Variants in RPL26 observed in about 807,000 individuals in gnomAD.
The protein encoded by RPL26 is large ribosomal subunit protein uL24.
A neutral mutation model predicts 16.2 loss-of-function variants in RPL26; 1 was observed. That is an observed-to-expected ratio of 0.06 (90% CI 0.02 to 0.29). The LOEUF is 0.29. RPL26 is among the 10% of genes least tolerant of loss of function. RPL26 has a pLI of 1.00. For missense variants in RPL26, 102 were observed against 184.3 expected (o/e 0.55, Z 2.58); for synonymous variants, 55 against 62.4 (o/e 0.88, Z 0.56).
intron 1 of RPL26, 190 bp downstream of exon 1, chr17:8,382,967 C>T (rs1274139498): frequency 1.0e-5 from 4 of 398,306 alleles, no homozygotes; most frequent in Non-Finnish European, 1.3e-5. Flanking sequence ...CCCAAATCCC[C>T]GGTCCCTCCA....
intron 3 of RPL26, 50 bp from the exon 4 acceptor site, chr17:8,377,742 A>T (rs1425811271): frequency 6.5e-7 from 1 of 1,539,530 alleles, no homozygotes. Flanking sequence ...TAATCACTAA[A>T]ACACAAGGGA....
intron 2 of RPL26, 38 bp downstream of exon 2, chr17:8,382,105 T>C (rs1200778895): frequency 5.7e-6 from 9 of 1,568,988 alleles, no homozygotes; most frequent in Non-Finnish European, 7.9e-6. Context: ...GTGCGTAAAA[T>C]ATCCATCAAG....
rs370502381 is a variant in RPL26, at chr17:8,379,838, C to T, written c.267G>A (p.Lys89=). Residue 89 remains lysine (K), a synonymous_variant, in exon 3 of 4, where the codon AAG becomes AAA. Transcript: ENST00000648839. ...VIYIERVQRE[K]ANGTTVHVGI... ...CTACGTGGACAGTTGTGCCATTAGC[C>T]TTTTCCCGCTGCACCCGTTCAATGT... The T allele has an allele frequency of 1.2e-5, 19 of 1,613,734 alleles. No individual in the cohort carries two copies. In the African/African-American group the frequency reaches 1.6e-4, roughly 14 times the overall value.
chr17:8,382,096 T>C, intron 2 of RPL26, 47 bp downstream of exon 2: 1 of 1,507,734 alleles, frequency 6.6e-7, no homozygotes, highest in Non-Finnish European at 9.2e-7. Flanking sequence ...CTAAGCTAAG[T>C]GCGTAAAATA....
At chr17:8,382,675 A>C in intron 1 of RPL26, 1 of 289,124 alleles carries the variant, frequency 3.5e-6, no homozygotes, top group Non-Finnish European at 6.4e-6. Flanking sequence ...AATTCTCTTA[A>C]CTATAACCTC....
At chr17:8,382,905 C>CG (rs1907492332) in intron 1 of RPL26, 1 of 396,846 alleles carries the variant, frequency 2.5e-6, no homozygotes, top group Non-Finnish European at 4.4e-6. Flanking sequence ...CGACACTACC[C>CG]AGACTCCAGT....
At position 8,379,814 on chromosome 17, in the gene RPL26, T is replaced by A; in HGVS notation, c.291A>T (p.Val97=). Residue 97 remains valine, a synonymous_variant, in exon 3 of 4, where the codon GTA becomes GTT. Transcript: ENST00000648839. The stretch of plus-strand genomic sequence containing the variant: ...CACCTACCTTGCTGGGGTGAATGCC[T>A]ACGTGGACAGTTGTGCCATTAGCCT... The part of the protein sequence containing the change: ...REKANGTTVH[V]GIHPSKVVIT... The A allele has an allele frequency of 6.2e-7, 1 of 1,613,238 alleles. No homozygotes were observed. Among genetic ancestry groups the A allele is most frequent in the Non-Finnish European group, 8.5e-7 (1 of 1,179,712 alleles).
rs755369380 is a variant in RPL26 at position 8,382,215 on chromosome 17, G to A, written c.96C>T (p.Ser32=). Reference sequence around the variant, plus strand: ...TCTGTCTCAGCTCTTTGGAAAGAGGGGAAGACATAATCTTCCTTCGAATGT... The same window carrying A: ...TCTGTCTCAGCTCTTTGGAAAGAGGAGAAGACATAATCTTCCTTCGAATGT... ...PSHIRRKIMS[S]PLSKELRQKY... Residue 32 remains serine, a synonymous_variant, in exon 2 of 4, where the codon TCC becomes TCT. Coordinates refer to ENST00000648839, the MANE Select transcript of RPL26 (RefSeq NM_000987.5). 93 of 1,613,760 alleles carry A rather than the reference G, an allele frequency of 5.8e-5. 1 individual carries two copies. The highest frequency in any genetic ancestry group is 9.3e-5 in the African/African-American group (7 of 74,914).
At chr17:8,380,669 C>T (rs1472107031) in intron 2 of RPL26, 1 of 152,228 alleles carries the variant, frequency 6.6e-6, no homozygotes, top group Non-Finnish European at 1.5e-5. Flanking sequence ...TACTGGTCCT[C>T]AACTGCCTCT....
At chr17:8,377,800 CTAA>C in intron 3 of RPL26, 108 bp from the exon 4 acceptor site, 1 of 964,352 alleles carries the variant, frequency 1.0e-6, no homozygotes, top group East Asian at 2.7e-5. Flanking sequence ...AGGTGGATGC[CTAA>C]TAAGAAAAGA....
rs575260463 is a variant in RPL26, at chr17:8,381,578, A to G, written c.168+565T>C. 1.1e-4 allele frequency among the ~76,000 whole-genome samples: 16 copies of G among 152,230 alleles called. No individual in the cohort carries two copies. The South Asian group carries it at 2.5e-3, about 24-fold the overall frequency. On this transcript the variant is annotated intron_variant, in intron 2 of 3. Coordinates refer to ENST00000648839, the MANE Select transcript of RPL26 (RefSeq NM_000987.5). ...AAAAAAGGTCCTACATGGGAGCATC[A>G]CTTGAGCCCACAAGAGCCATGACCA...
intron 2 of RPL26, 55 bp downstream of exon 2, chr17:8,382,088 A>G (rs1907444673): frequency 6.8e-7 from 1 of 1,468,654 alleles, no homozygotes; most frequent in Non-Finnish European, 9.5e-7. Flanking sequence ...TCTCTCTTCT[A>G]AGCTAAGTGC....
chr17:8,377,720 C>T (rs1223571807), intron 3 of RPL26, 28 bp from the exon 4 acceptor site: 1 of 1,590,242 alleles, frequency 6.3e-7, no homozygotes, highest in Admixed American at 1.8e-5. Flanking sequence ...AAAAACACTC[C>T]CAAGCTTTAA....
intron 2 of RPL26, chr17:8,380,835 C>A (rs1017914256): frequency 6.6e-6 from 1 of 152,230 alleles, no homozygotes; most frequent in African/African-American, 2.4e-5. Context: ...TTGGGAGGAA[C>A]TTAGTCTACA....
In RPL26 at chr17:8,383,154, T is replaced by C. The variant is rs1303738702; in HGVS notation, c.-6+3A>G. 5 of 398,554 alleles carry C rather than the reference T, an allele frequency of 1.3e-5. No individual in the cohort carries two copies. Among genetic ancestry groups the C allele is most frequent in the Non-Finnish European group, 1.8e-5 (4 of 226,110 alleles). 24.7% of individuals were successfully genotyped at this position (398,554 alleles called of 1,614,324 possible). A position where few individuals can be genotyped will look rare whatever the true frequency, so the allele number is the denominator to read the frequency against. ...TACACCCGCTTGCCCGCCGAATCCT[T>C]ACCCGCTCCCGCTTCGGTGATGGCC... is the stretch of plus-strand genomic sequence containing the variant. On this transcript the variant is annotated splice_donor_region_variant and intron_variant, in intron 1 of 3. Transcript: ENST00000648839.
chr17:8,380,412 G>T (rs1211832357), intron 2 of RPL26, among the ~76,000 whole-genome samples: 3 of 152,146 alleles, frequency 2.0e-5, no homozygotes, highest in Admixed American at 1.3e-4. Context: ...AACCCACACT[G>T]CTTGTTTGGG....
intron 3 of RPL26, 190 bp downstream of exon 3, chr17:8,379,604 AAC>A: frequency 1.7e-6 from 1 of 600,318 alleles, no homozygotes; most frequent in Non-Finnish European, 2.9e-6. Flanking sequence ...AATGACCGTT[AAC>A]ACTTTGATGT....
rs574807211 is a variant in RPL26 at position 8,383,164 on chromosome 17, C to T, written c.-13G>A. 6 of 398,708 alleles carry T rather than the reference C, an allele frequency of 1.5e-5. No individual in the cohort carries two copies. In the East Asian group the frequency reaches 1.8e-4, roughly 12 times the overall value. 24.7% of individuals were successfully genotyped at this position (398,708 alleles called of 1,614,324 possible). On this transcript the variant is annotated 5_prime_UTR_variant, in exon 1 of 4. Coordinates refer to ENST00000648839, the MANE Select transcript of RPL26 (RefSeq NM_000987.5). ...TGCCCGCCGAATCCTTACCCGCTCCCGCTTCGGTGATGGCCGCAAAAGGGA... is the reference window on the plus strand; with the variant it reads ...TGCCCGCCGAATCCTTACCCGCTCCTGCTTCGGTGATGGCCGCAAAAGGGA...
intron 1 of RPL26, 86 bp from the exon 2 acceptor site, chr17:8,382,401 G>T: frequency 1.0e-6 from 1 of 980,258 alleles, no homozygotes; most frequent in Non-Finnish European, 1.6e-6. Context: ...TATCTTGATA[G>T]TCTAGAATGA....
Sources: gnomAD v4.1 joint callset for allele counts (sites outside exome capture counted in the v4.1 genomes callset) on GRCh38, gnomAD v4.1.1 for gene constraint, MANE v1.5 for transcripts, NCBI Gene and HGNC (gene_info 2026-07-23, HGNC 2026-07-21) for gene names.